Variants in ENOX1 observed in about 807,000 individuals in gnomAD.
The protein encoded by ENOX1 is ecto-NOX disulfide-thiol exchanger 1.
A neutral mutation model predicts 82.5 loss-of-function variants in ENOX1; 42 were observed. That is an observed-to-expected ratio of 0.51 (90% confidence interval 0.40 to 0.66). ENOX1 has a LOEUF of 0.66. Ranked by LOEUF, ENOX1 falls within the 30% of genes least tolerant of loss-of-function variation. The pLI is 0.00. For synonymous variants in ENOX1, 271 were observed against 282.2 expected (o/e 0.96, Z 0.40); for missense variants, 608 against 811.6 (o/e 0.75, Z 3.05).
At chr13:43,756,333 G>A (rs1021001403) in intron 1 of ENOX1, among the ~76,000 whole-genome samples, 1 of 151,966 alleles carries the variant, frequency 6.6e-6, no homozygotes, top group Admixed American at 6.6e-5. Flanking sequence ...AGGAGGCTGA[G>A]GTGGGAGAAT....
chr13:43,502,624 T>A (rs188125775), intron 2 of ENOX1, among the ~76,000 whole-genome samples: 3 of 151,722 alleles, frequency 2.0e-5, no homozygotes, highest in Admixed American at 2.0e-4. Flanking sequence ...ATAATATTAA[T>A]AGATGCAGAA....
chr13:43,315,124 A>G (rs1195991100), intron 11 of ENOX1, among the ~76,000 whole-genome samples: 1 of 152,236 alleles, frequency 6.6e-6, no homozygotes, highest in African/African-American at 2.4e-5. Context: ...AAAGAAAAAA[A>G]TTAGAAGCCA....
At chr13:43,481,864 T>G (rs2058519300) in intron 3 of ENOX1, among the ~76,000 whole-genome samples, 1 of 152,146 alleles carries the variant, frequency 6.6e-6, no homozygotes, top group African/African-American at 2.4e-5. Flanking sequence ...TGAATAGACA[T>G]TTCTCCCAAG....
intron 5 of ENOX1, among the ~76,000 whole-genome samples, chr13:43,402,510 T>C (rs576885908): frequency 6.6e-5 from 10 of 152,344 alleles, no homozygotes; most frequent in Admixed American, 1.3e-4. Context: ...TTCTTTCCCA[T>C]AGAAGAAGTC....
intron 5 of ENOX1, among the ~76,000 whole-genome samples, chr13:43,373,215 T>C (rs2153569116): frequency 6.8e-6 from 1 of 148,070 alleles, no homozygotes; most frequent in Middle Eastern, 3.5e-3. Context: ...TTTAAGTTCA[T>C]GTTTTATTAT....
At chr13:43,317,274 G>A (rs2047556113) in intron 11 of ENOX1, among the ~76,000 whole-genome samples, 1 of 152,190 alleles carries the variant, frequency 6.6e-6, no homozygotes, top group African/African-American at 2.4e-5. Context: ...CTACCAGTGT[G>A]AATGACAGAG....
At chr13:43,781,165 G>A (rs1338014872) in intron 1 of ENOX1, among the ~76,000 whole-genome samples, 4 of 152,146 alleles carry the variant, frequency 2.6e-5, no homozygotes, top group Admixed American at 2.6e-4. Context: ...AATATGCAGT[G>A]CCAGAAACAA....
At chr13:43,607,833 T>A (rs941164409) in intron 2 of ENOX1, among the ~76,000 whole-genome samples, 3 of 152,176 alleles carry the variant, frequency 2.0e-5, no homozygotes. Flanking sequence ...GTGTTAGGCA[T>A]GGGTAGATAT....
At position 43,750,961 on chromosome 13, in the gene ENOX1, G is replaced by A. The variant is rs562908347; in HGVS notation, c.-285+35691C>T. Reference sequence around the variant, plus strand: ...ACGTGGCCTGTTACTCCTCAGATTAGACACCTTCAGTGGCTCCCCTGGGCC... The same window carrying A: ...ACGTGGCCTGTTACTCCTCAGATTAAACACCTTCAGTGGCTCCCCTGGGCC... On this transcript the variant is annotated intron_variant, in intron 1 of 16. Transcript: ENST00000690772. Among the ~76,000 whole-genome samples, 14 of 152,248 alleles carry A rather than the reference G, an allele frequency of 9.2e-5. No individual in the cohort carries two copies. The East Asian group carries it at 2.5e-3, about 27-fold the overall frequency.
At chr13:43,444,942 CT>C (rs1470166854) in intron 3 of ENOX1, among the ~76,000 whole-genome samples, 1 of 152,204 alleles carries the variant, frequency 6.6e-6, no homozygotes, top group Non-Finnish European at 1.5e-5. Flanking sequence ...GACCTGGGTT[CT>C]GGCTTCCAGT....
At chr13:43,729,396 G>A (rs1308811101) in intron 1 of ENOX1, among the ~76,000 whole-genome samples, 1 of 152,116 alleles carries the variant, frequency 6.6e-6, no homozygotes, top group Admixed American at 6.5e-5. Flanking sequence ...GAAGGAATAT[G>A]TCTAATATAA....
At chr13:43,689,695 A>T (rs1189153429) in intron 1 of ENOX1, among the ~76,000 whole-genome samples, 1 of 152,236 alleles carries the variant, frequency 6.6e-6, no homozygotes, top group African/African-American at 2.4e-5. Flanking sequence ...TATATTCTGC[A>T]TCAAACATTT....
At chr13:43,485,091 A>C (rs1487522294) in intron 2 of ENOX1, among the ~76,000 whole-genome samples, 1 of 152,196 alleles carries the variant, frequency 6.6e-6, no homozygotes, top group Non-Finnish European at 1.5e-5. Flanking sequence ...TATGGCTATT[A>C]CTGAGTGATA....
intron 14 of ENOX1, among the ~76,000 whole-genome samples, chr13:43,239,531 G>C (rs1410030083): frequency 6.6e-6 from 1 of 152,212 alleles, no homozygotes; most frequent in African/African-American, 2.4e-5. Context: ...TTCCATTAGA[G>C]TCAAGGGTGT....
chr13:43,375,490 G>T (rs1311470738), intron 5 of ENOX1, among the ~76,000 whole-genome samples: 1 of 152,214 alleles, frequency 6.6e-6, no homozygotes, highest in Non-Finnish European at 1.5e-5. Flanking sequence ...GACGCTGGGG[G>T]CATAGAGGTA....
chr13:43,716,090 C>T (rs967549384), intron 1 of ENOX1, among the ~76,000 whole-genome samples: 10 of 152,196 alleles, frequency 6.6e-5, no homozygotes, highest in South Asian at 2.1e-4. Flanking sequence ...AGCTTTGTTC[C>T]GTTGCTGGTG....
intron 1 of ENOX1, among the ~76,000 whole-genome samples, chr13:43,783,539 C>T (rs1952398048): frequency 6.6e-6 from 1 of 152,094 alleles, no homozygotes; most frequent in Non-Finnish European, 1.5e-5. Flanking sequence ...CCTCAGTGTT[C>T]CTTAATATTA....
At chr13:43,323,531 T>A (rs2047931722) in intron 10 of ENOX1, among the ~76,000 whole-genome samples, 1 of 152,218 alleles carries the variant, frequency 6.6e-6, no homozygotes, top group Non-Finnish European at 1.5e-5. Context: ...GTAATACTTA[T>A]GCTAAGTATT....
intron 3 of ENOX1, among the ~76,000 whole-genome samples, chr13:43,422,910 T>C (rs2055060223): frequency 6.6e-6 from 1 of 152,164 alleles, no homozygotes; most frequent in South Asian, 2.1e-4. Context: ...TGAGACCTTA[T>C]GTATAAAGTG....
Sources: allele counts gnomAD v4.1 joint callset (sites outside exome capture counted in the v4.1 genomes callset), GRCh38; gene constraint gnomAD v4.1.1; transcripts MANE v1.5; gene names NCBI Gene and HGNC (gene_info 2026-07-23, HGNC 2026-07-21).